Variants in PRPSAP1 observed in about 807,000 individuals in gnomAD.
The protein encoded by PRPSAP1 is phosphoribosyl pyrophosphate synthetase associated protein 1, also known as phosphoribosyl pyrophosphate synthase-associated protein 1.
Under a neutral mutation model 39.4 loss-of-function variants are expected in PRPSAP1, and 31 were observed. The ratio of observed to expected loss-of-function variants is 0.79; its 90% confidence interval spans 0.59 to 1.06. The LOEUF is 1.06. PRPSAP1 is among the 50% of genes least tolerant of loss of function. The probability of loss-of-function intolerance (pLI) is 0.00; values close to 1 mark genes in which losing one functional copy is unlikely to be tolerated. For synonymous variants in PRPSAP1, 212 were observed against 192.6 expected (o/e 1.10, Z -0.83); for missense variants, 430 against 511.6 (o/e 0.84, Z 1.54).
intron 9 of PRPSAP1, among the ~76,000 whole-genome samples, chr17:76,312,269 C>T (rs895414024): frequency 6.6e-6 from 1 of 152,084 alleles, no homozygotes; most frequent in Non-Finnish European, 1.5e-5. Flanking sequence ...GGTGAAACCC[C>T]GTTTCTAAGA....
At chr17:76,354,037 T>G, upstream of PRPSAP1, 2 of 1,110,988 alleles carry the variant, frequency 1.8e-6, no homozygotes, top group Non-Finnish European at 2.2e-6. Flanking sequence ...GAGGGGCATG[T>G]CACAGGTTCG....
intron 3 of PRPSAP1, among the ~76,000 whole-genome samples, chr17:76,344,362 C>T (rs574949361): frequency 3.3e-5 from 5 of 152,282 alleles, no homozygotes; most frequent in African/African-American, 1.2e-4. Context: ...ATCTCCTGAC[C>T]TCGTGATCCG....
Position 76,351,380 on chromosome 17 carries a change from T to C in PRPSAP1, c.170+2154A>G, listed in dbSNP as rs376680926. On this transcript the variant is annotated intron_variant, in intron 1 of 9. Coordinates refer to ENST00000446526, the MANE Select transcript of PRPSAP1 (RefSeq NM_002766.3). ...AATACAAAAAATTAGCTGTGCGAGG[T>C]GGCGGGGGCCTGTAGTCCCAGCTAC... 3.3e-5 allele frequency among the ~76,000 whole-genome samples: 5 copies of C among 152,074 alleles called. No individual in the cohort carries two copies. The East Asian group carries it at 5.8e-4, about 18-fold the overall frequency.
chr17:76,339,478 A>G (rs2071413093), intron 3 of PRPSAP1, among the ~76,000 whole-genome samples: 1 of 151,834 alleles, frequency 6.6e-6, no homozygotes. Context: ...CACCCACACA[A>G]AACAACACAT....
At chr17:76,314,287 T>C (rs996869849) in intron 7 of PRPSAP1, 15 of 223,904 alleles carry the variant, frequency 6.7e-5, no homozygotes, top group African/African-American at 3.3e-4. Flanking sequence ...TGACGCGATC[T>C]TGGCTCACTG....
At chr17:76,329,189 A>G (rs1370928223) in intron 6 of PRPSAP1, among the ~76,000 whole-genome samples, 1 of 151,030 alleles carries the variant, frequency 6.6e-6, no homozygotes, top group Non-Finnish European at 1.5e-5. Context: ...TCCCACCTCA[A>G]CCTCCCGAGT....
At chr17:76,313,477 T>C (rs545606120) in intron 8 of PRPSAP1, 27 of 304,848 alleles carry the variant, frequency 8.9e-5, no homozygotes, top group Middle Eastern at 9.5e-4. Context: ...ACACCCATTC[T>C]TACTTGTGAA....
chr17:76,316,180 A>G (rs2071121430), intron 7 of PRPSAP1, among the ~76,000 whole-genome samples: 1 of 147,190 alleles, frequency 6.8e-6, no homozygotes, highest in African/African-American at 2.6e-5. Context: ...CGTCTAAAAA[A>G]AAAAAAAAAA....
intron 7 of PRPSAP1, chr17:76,314,164 C>A: frequency 1.1e-5 from 5 of 439,226 alleles, no homozygotes; most frequent in South Asian, 2.5e-5. Context: ...TATGCAATTC[C>A]CAAAATATTA....
In PRPSAP1 at chr17:76,311,302, G is replaced by A; in HGVS notation, c.*240C>T. 2.7e-6 allele frequency: 1 copy of A among 364,428 alleles called. No individual in the cohort carries two copies. The highest frequency in any genetic ancestry group is 4.5e-5 in the East Asian group (1 of 22,268). The allele number at this position is 364,428 out of a possible 1,614,324, so 22.6% of individuals were successfully genotyped here. ...CAGATTATTTTTAAGAAAGCAGCTA[G>A]AACTTTTAAGGAACAGGGCTGATGA... On this transcript the variant is annotated 3_prime_UTR_variant, in exon 10 of 10. Coordinates refer to ENST00000446526, the MANE Select transcript of PRPSAP1 (RefSeq NM_002766.3).
chr17:76,316,187 A>G (rs1217315513), intron 7 of PRPSAP1, among the ~76,000 whole-genome samples: 2 of 146,554 alleles, frequency 1.4e-5, no homozygotes, highest in South Asian at 2.1e-4. Context: ...AAAAAAAAAA[A>G]AAAAGAAAAA....
chr17:76,339,178 G>A (rs901491876), intron 3 of PRPSAP1, among the ~76,000 whole-genome samples: 5 of 151,780 alleles, frequency 3.3e-5, no homozygotes, highest in African/African-American at 9.7e-5. Flanking sequence ...GCCAAGGCGG[G>A]TGGATCACCT....
intron 4 of PRPSAP1, among the ~76,000 whole-genome samples, chr17:76,331,622 C>A (rs2071323047): frequency 6.6e-6 from 1 of 152,074 alleles, no homozygotes; most frequent in Admixed American, 6.6e-5. Flanking sequence ...GTTTTTGTAT[C>A]TGCTGAGGAG....
intron 7 of PRPSAP1, among the ~76,000 whole-genome samples, chr17:76,320,353 A>AAGGAAGCAAGAT (rs149763636): frequency 8.4e-6 from 1 of 118,544 alleles, no homozygotes; most frequent in Non-Finnish European, 1.7e-5. Flanking sequence ...GGAAGGAAGG[A>AAGGAAGCAAGAT]AGAAAAAGGA....
rs2071308905 is a variant in PRPSAP1 at position 76,330,447 on chromosome 17, G to C, written c.579+104C>G. ...CTGCCTCAGGCATTGTGACTTAAGG[G>C]AGAGCTCATTTGATGTGCCTTCCAG... On this transcript the variant is annotated intron_variant, in intron 5 of 9. Transcript: ENST00000446526. The C allele has an allele frequency of 3.6e-6, 3 of 823,466 alleles. No individual in the cohort carries two copies. In the South Asian group the frequency reaches 5.4e-5, roughly 15 times the overall value. 51.0% of individuals were successfully genotyped at this position (823,466 alleles called of 1,614,324 possible).
rs1340351700 is a variant in PRPSAP1 at position 76,328,808 on chromosome 17, T to G, written c.690A>C (p.Glu230Asp). 1 of 1,614,154 alleles carries G rather than the reference T, an allele frequency of 6.2e-7. No individual in the cohort carries two copies. The highest frequency in any genetic ancestry group is 1.3e-5 in the African/African-American group (1 of 75,054). The part of the protein sequence containing the change: ...LRLGLAVIHG[E>D]AQCTELDMDD... ...CCATGTCCAGTTCCGTGCACTGAGC[T>G]TCCCCGTGAATGACGGCCAAACCCA... Residue 230 changes from glutamate to aspartate, a missense_variant, in exon 7 of 10, where the codon GAA (glutamate) becomes GAC (aspartate). Glu to Asp is a conservative substitution (Grantham distance 45). This residue lies in a region of PRPSAP1 where 278 missense variants were observed against 376.3 expected (regional missense o/e 0.74). Coordinates refer to ENST00000446526, the MANE Select transcript of PRPSAP1 (RefSeq NM_002766.3).
Position 76,353,559 on chromosome 17 carries a change from T to C in PRPSAP1, c.145A>G (p.Thr49Ala). Residue 49 changes from threonine to alanine, a missense_variant, in exon 1 of 10, where the codon ACG becomes GCG. Coordinates refer to ENST00000446526, the MANE Select transcript of PRPSAP1 (RefSeq NM_002766.3). ...VFSANSTAAC[T>A]ELAKRITERL... ...TCTGTGATGCGCTTGGCCAGCTCCG[T>C]GCAGGCGGCCGTGGAGTTGGCCGAG... 6.4e-7 allele frequency: 1 copy of C among 1,552,248 alleles called. No homozygotes were observed. The highest frequency in any genetic ancestry group is 8.7e-7 in the Non-Finnish European group (1 of 1,154,220).
chr17:76,314,624 C>T (rs2071103762), intron 7 of PRPSAP1: 1 of 152,420 alleles, frequency 6.6e-6, no homozygotes, highest in Admixed American at 6.5e-5. Context: ...CCTACCTCAG[C>T]CTCCCAAAGT....
intron 7 of PRPSAP1, among the ~76,000 whole-genome samples, chr17:76,321,257 A>G (rs1052378245): frequency 6.6e-6 from 1 of 152,036 alleles, no homozygotes; most frequent in Non-Finnish European, 1.5e-5. Context: ...CCATGCTCAT[A>G]TAAGATAGCA....
Sources: gnomAD v4.1 joint callset for allele counts (sites outside exome capture counted in the v4.1 genomes callset) on GRCh38, gnomAD v4.1.1 for gene constraint, gnomAD v4.1.1 regional missense constraint, MANE v1.5 for transcripts, NCBI Gene and HGNC (gene_info 2026-07-23, HGNC 2026-07-21) for gene names.